Variants in PCDHGB5 observed in about 807,000 individuals in gnomAD.
PCDHGB5 encodes the protein protocadherin gamma subfamily B, 5, also known as protocadherin gamma-B5.
PCDHGB5 carries 48 observed loss-of-function variants against 62.9 expected under a neutral mutation model. That is an observed-to-expected ratio of 0.76 (90% CI 0.61 to 0.97). The LOEUF is 0.97. Ranked by LOEUF, PCDHGB5 falls within the 50% of genes least tolerant of loss-of-function variation. The probability of loss-of-function intolerance (pLI) is 0.00; values close to 1 mark genes in which losing one functional copy is unlikely to be tolerated. For missense variants in PCDHGB5, 1,118 were observed against 1,198.6 expected (o/e 0.93, Z 0.99); for synonymous variants, 474 against 511.2 (o/e 0.93, Z 0.98).
At chr5:141,501,013 C>T (rs1456343329) in intron 2 of PCDHGB5, among the ~76,000 whole-genome samples, 2 of 151,970 alleles carry the variant, frequency 1.3e-5, no homozygotes, top group Non-Finnish European at 2.9e-5. Context: ...GGACTACAGG[C>T]ACGCGCCACC....
At chr5:141,410,492 T>C in intron 1 of PCDHGB5, 2 of 1,613,912 alleles carry the variant, frequency 1.2e-6, no homozygotes, top group Non-Finnish European at 1.7e-6. Flanking sequence ...TACAAAAGAG[T>C]TTAATTTCCT....
At position 141,511,916 on chromosome 5, in the gene PCDHGB5, C is replaced by T. The variant is rs2099884006; in HGVS notation, c.*743C>T. ...CCACCTCCTCCTCAAACAAGAGACT[C>T]CACTGCATGTTCCAAGACAGTATGG... On this transcript the variant is annotated 3_prime_UTR_variant, in exon 4 of 4. Coordinates refer to ENST00000617380, the MANE Select transcript of PCDHGB5 (RefSeq NM_018925.3). The T allele has an allele frequency of 6.4e-6, 1 of 156,466 alleles. No individual in the cohort carries two copies. The highest frequency in any genetic ancestry group is 2.4e-5 in the African/African-American group (1 of 41,474). The allele number at this position is 156,466 out of a possible 1,614,324, so 9.7% of individuals were successfully genotyped here.
chr5:141,418,299 G>C lies in PCDHGB5; in HGVS notation c.2397+17775G>C, dbSNP rs767901461. 5 of 1,614,046 alleles carry C rather than the reference G, an allele frequency of 3.1e-6. No individual in the cohort carries two copies. In the Admixed American group the frequency reaches 8.3e-5, roughly 27 times the overall value. On this transcript the variant is annotated intron_variant, in intron 1 of 3. Coordinates refer to ENST00000617380, the MANE Select transcript of PCDHGB5 (RefSeq NM_018925.3). ...AACTTAGAAATCAGTGAATCCGTCA[G>C]CCTGGGGATGGGAACAATTCTTGAG...
At chr5:141,492,091 C>A (rs930375969) in intron 1 of PCDHGB5, among the ~76,000 whole-genome samples, 1 of 152,242 alleles carries the variant, frequency 6.6e-6, no homozygotes, top group South Asian at 2.1e-4. Flanking sequence ...CACGCTTCGC[C>A]GGTCTGTAGA....
At chr5:141,408,228 G>C (rs1233027944) in intron 1 of PCDHGB5, 2 of 1,564,122 alleles carry the variant, frequency 1.3e-6, no homozygotes, top group South Asian at 2.3e-5. Flanking sequence ...GCGCAGAGGC[G>C]CCGGGCCGGC....
At chr5:141,414,155 A>G in intron 1 of PCDHGB5, 1 of 1,601,706 alleles carries the variant, frequency 6.2e-7, no homozygotes, top group Non-Finnish European at 8.5e-7. Context: ...CAAGCAGAAG[A>G]TGGAGGAGCA....
Position 141,512,738 on chromosome 5 carries a change from C to A in PCDHGB5, c.*1565C>A, listed in dbSNP as rs1350606944. 2 of 152,840 alleles carry A rather than the reference C, an allele frequency of 1.3e-5. No individual in the cohort carries two copies. The highest frequency in any genetic ancestry group is 2.1e-4 in the South Asian group (1 of 4,838). The allele number at this position is 152,840 out of a possible 1,614,324, so 9.5% of individuals were successfully genotyped here. A position where few individuals can be genotyped will look rare whatever the true frequency, so the allele number is the denominator to read the frequency against. On this transcript the variant is annotated 3_prime_UTR_variant, in exon 4 of 4. Transcript: ENST00000617380. ...TGGCGGGTGGGCAGCGGGCGGCGGG[C>A]TCCGCGCAGCCGTCTGTCCTTGATC...
At position 141,431,245 on chromosome 5, in the gene PCDHGB5, C is replaced by A. The variant is rs761126985; in HGVS notation, c.2397+30721C>A. The A allele has an allele frequency of 5.0e-6, 8 of 1,614,016 alleles. No individual in the cohort carries two copies. In the Admixed American group the frequency reaches 1.2e-4, roughly 24 times the overall value. On this transcript the variant is annotated intron_variant, in intron 1 of 3. Coordinates refer to ENST00000617380, the MANE Select transcript of PCDHGB5 (RefSeq NM_018925.3). This position sits in a 1 kb window ranked among gnomAD's most constrained non-coding sequence, Gnocchi z 4.8. ...TACCCCACGCCTGGGATCCGGATAT[C>A]GGGAAGAACTCTCTGCAGAGCTACG... is the stretch of plus-strand genomic sequence containing the variant.
At chr5:141,400,747 G>GCTT (rs1302066014) in intron 1 of PCDHGB5, 9 of 602,662 alleles carry the variant, frequency 1.5e-5, no homozygotes, top group Admixed American at 6.5e-5. Context: ...TTTGCTCTTA[G>GCTT]CTTCCTCTCT....
Position 141,431,075 on chromosome 5 carries a change from C to G in PCDHGB5, c.2397+30551C>G. ...GGGGGCCATCAAGTGTCAATTAAAT[C>G]TAGACATTCTGATGGAGGATAAAGT... is the stretch of plus-strand genomic sequence containing the variant. On this transcript the variant is annotated intron_variant, in intron 1 of 3. Coordinates refer to ENST00000617380, the MANE Select transcript of PCDHGB5 (RefSeq NM_018925.3). The surrounding 1 kb of genome is among the most constrained non-coding windows in gnomAD (Gnocchi z 4.8). 1 of 1,614,156 alleles carries G rather than the reference C, an allele frequency of 6.2e-7. No homozygotes were observed. Among genetic ancestry groups the G allele is most frequent in the Non-Finnish European group, 8.5e-7 (1 of 1,179,984 alleles).
chr5:141,401,888 TTC>T (rs1281227155), intron 1 of PCDHGB5, among the ~76,000 whole-genome samples: 3 of 152,232 alleles, frequency 2.0e-5, no homozygotes, highest in Non-Finnish European at 2.9e-5. Flanking sequence ...ATATTTTGTG[TTC>T]TTTTTCCCAA....
intron 2 of PCDHGB5, 166 bp from the exon 3 acceptor site, chr5:141,505,227 T>C: frequency 1.2e-6 from 1 of 840,112 alleles, no homozygotes; most frequent in Non-Finnish European, 1.4e-6. Context: ...TGTGGGATTC[T>C]GGCTTCTGAA....
Position 141,431,581 on chromosome 5 carries a change from T to A in PCDHGB5, c.2397+31057T>A, listed in dbSNP as rs749863807. Reference sequence around the variant, plus strand: ...CTACCGACCCTGACGAAGGAGTCAATGCGGAAGTGAGGTATTCCTTCCGGT... The same window carrying A: ...CTACCGACCCTGACGAAGGAGTCAAAGCGGAAGTGAGGTATTCCTTCCGGT... On this transcript the variant is annotated intron_variant, in intron 1 of 3. Coordinates refer to ENST00000617380, the MANE Select transcript of PCDHGB5 (RefSeq NM_018925.3). This position sits in a 1 kb window ranked among gnomAD's most constrained non-coding sequence, Gnocchi z 4.8. 3.1e-6 allele frequency: 5 copies of A among 1,614,160 alleles called. No individual in the cohort carries two copies. In the South Asian group the frequency reaches 5.5e-5, roughly 18 times the overall value.
At chr5:141,494,099 C>T (rs976610819) in intron 1 of PCDHGB5, among the ~76,000 whole-genome samples, 3 of 152,172 alleles carry the variant, frequency 2.0e-5, no homozygotes, top group South Asian at 2.1e-4. Context: ...CATTTTTCTC[C>T]GTCTCAGACA....
Position 141,477,167 on chromosome 5 carries a change from G to C in PCDHGB5, c.2398-17640G>C. The C allele has an allele frequency of 6.2e-7, 1 of 1,614,166 alleles. No individual in the cohort carries two copies. Among genetic ancestry groups the C allele is most frequent in the South Asian group, 1.1e-5 (1 of 91,076 alleles). ...TGTGGATGTGAATGACAACGCCCCG[G>C]AGATCACAGTCACCTCCGTGTACAG... On this transcript the variant is annotated intron_variant, in intron 1 of 3. Coordinates refer to ENST00000617380, the MANE Select transcript of PCDHGB5 (RefSeq NM_018925.3). The surrounding 1 kb of genome is among the most constrained non-coding windows in gnomAD (Gnocchi z 4.9).
chr5:141,469,376 A>T (rs572466149), intron 1 of PCDHGB5, among the ~76,000 whole-genome samples: 1 of 152,232 alleles, frequency 6.6e-6, no homozygotes, highest in East Asian at 1.9e-4. Flanking sequence ...AGAGATCGAG[A>T]CCATCCTGGC....
intron 1 of PCDHGB5, chr5:141,484,889 T>C (rs2099602721): frequency 2.8e-6 from 1 of 363,070 alleles, no homozygotes. Flanking sequence ...GTGGGCTTTT[T>C]CCCCTCCAAT....
chr5:141,494,076 G>A (rs538740530), intron 1 of PCDHGB5, among the ~76,000 whole-genome samples: 24 of 152,234 alleles, frequency 1.6e-4, no homozygotes, highest in African/African-American at 4.3e-4. Flanking sequence ...ATCCCTCCCC[G>A]CTGCATCCCT....
chr5:141,399,472 C>T lies in PCDHGB5; in HGVS notation c.1345C>T (p.His449Tyr), dbSNP rs763239278. Residue 449 changes from histidine (H) to tyrosine (Y), a missense_variant, in exon 1 of 4, where the codon CAC (histidine) becomes TAC (tyrosine). Physicochemically the swap from His to Tyr is moderately conservative, Grantham distance 83 (BLOSUM62 2). This residue lies in a region of PCDHGB5 where 1,034 missense variants were observed against 1,029.1 expected (regional missense o/e 1.00). Transcript: ENST00000617380. ...RDVNDNAPVF[H>Y]QASYLVSVPE... is the part of the protein sequence containing the mutation. ...CGTCAACGATAACGCTCCGGTTTTCCACCAGGCGTCCTACTTAGTCAGTGT... is the reference window on the plus strand; with the variant it reads ...CGTCAACGATAACGCTCCGGTTTTCTACCAGGCGTCCTACTTAGTCAGTGT... 29 of 1,613,908 alleles carry T rather than the reference C, an allele frequency of 1.8e-5. No individual in the cohort carries two copies. The South Asian group carries it at 2.9e-4, about 16-fold the overall frequency.
Sources: gnomAD v4.1 joint callset for allele counts (sites outside exome capture counted in the v4.1 genomes callset) on GRCh38, gnomAD v4.1.1 for gene constraint, gnomAD v4.1.1 regional missense constraint, Gnocchi (gnomAD v3.1) non-coding constraint, MANE v1.5 for transcripts, NCBI Gene and HGNC (gene_info 2026-07-23, HGNC 2026-07-21) for gene names.